The following ACTR2 variants were observed in gnomAD, a reference collection of about 807,000 sequenced individuals.
The protein encoded by ACTR2 is actin related protein 2, also known as actin-related protein 2.
A neutral mutation model predicts 50.2 loss-of-function variants in ACTR2; 5 were observed. The observed-to-expected ratio is 0.10, with a 90% confidence interval of 0.05 to 0.21. The LOEUF (loss-of-function observed/expected upper bound fraction) is 0.21. ACTR2 is among the 10% of genes least tolerant of loss of function. The probability of loss-of-function intolerance (pLI) is 1.00; values close to 1 mark genes in which losing one functional copy is unlikely to be tolerated. For synonymous variants in ACTR2, 140 were observed against 162.9 expected, an observed-to-expected ratio of 0.86 and a Z score of 1.07; for missense variants, 180 against 480.6, an observed-to-expected ratio of 0.37 and a Z score of 5.85.
intron 4 of ACTR2, 47 bp from the exon 5 acceptor site, chr2:65,253,681 T>A (rs1401635316): frequency 1.9e-6 from 3 of 1,593,310 alleles, no homozygotes; most frequent in Non-Finnish European, 2.6e-6. Flanking sequence ...CTGGCTTTGG[T>A]TTTCCTGATT....
intron 6 of ACTR2, 103 bp downstream of exon 6, chr2:65,255,797 G>T: frequency 2.7e-6 from 3 of 1,094,454 alleles, no homozygotes; most frequent in South Asian, 3.8e-5. Context: ...TTTTTGTCTT[G>T]GGTTGTTGTA....
At chr2:65,242,217 A>G (rs1328014040) in intron 2 of ACTR2, among the ~76,000 whole-genome samples, 3 of 152,078 alleles carry the variant, frequency 2.0e-5, no homozygotes, top group Non-Finnish European at 4.4e-5. Context: ...CATTGCTTCA[A>G]TTTGATAGCA....
At chr2:65,242,682 CCAAA>C (rs755397490) in intron 2 of ACTR2, 8 of 508,160 alleles carry the variant, frequency 1.6e-5, no homozygotes, top group Non-Finnish European at 3.1e-5. Context: ...GATTTCCCCC[CCAAA>C]CATTGTACAG....
At chr2:65,250,429 C>G (rs1396479937) in intron 3 of ACTR2, among the ~76,000 whole-genome samples, 1 of 151,614 alleles carries the variant, frequency 6.6e-6, no homozygotes, top group Non-Finnish European at 1.5e-5. Context: ...AATCCCAGCA[C>G]TTTGGGAGGC....
At position 65,239,801 on chromosome 2, in the gene ACTR2, A is replaced by G. The variant is rs777683267; in HGVS notation, c.49-51A>G. ...TATTTTTCAGATGCTGTCTTAAAAT[A>G]TAGTAAATATCCTGATGCTAACCCA... On this transcript the variant is annotated intron_variant, in intron 1 of 8. Coordinates refer to ENST00000260641, the MANE Select transcript of ACTR2 (RefSeq NM_005722.4). 2.2e-5 allele frequency: 24 copies of G among 1,100,374 alleles called. No individual in the cohort carries two copies. In the South Asian group the frequency reaches 2.7e-4, roughly 12 times the overall value. 68.2% of individuals were successfully genotyped at this position (1,100,374 alleles called of 1,614,324 possible).
chr2:65,238,705 C>T (rs1319896166), intron 1 of ACTR2, among the ~76,000 whole-genome samples: 2 of 148,820 alleles, frequency 1.3e-5, no homozygotes, highest in Non-Finnish European at 3.0e-5. Context: ...GGTGACTCAA[C>T]GCCTGCAATC....
intron 6 of ACTR2, among the ~76,000 whole-genome samples, chr2:65,257,323 C>T (rs2104012237): frequency 6.6e-6 from 1 of 151,888 alleles, no homozygotes; most frequent in East Asian, 1.9e-4. Context: ...TGTATATGTG[C>T]CACATTTTCT....
intron 4 of ACTR2, 53 bp downstream of exon 4, chr2:65,251,152 A>G: frequency 1.5e-6 from 2 of 1,299,078 alleles, no homozygotes; most frequent in Non-Finnish European, 1.1e-6. Flanking sequence ...TTTATTATGT[A>G]TGTTTTATGT....
intron 1 of ACTR2, among the ~76,000 whole-genome samples, chr2:65,239,328 C>T (rs1212417066): frequency 2.0e-5 from 3 of 152,166 alleles, no homozygotes; most frequent in Non-Finnish European, 4.4e-5. Flanking sequence ...GTGGCGCATG[C>T]CTGTAATCCC....
intron 2 of ACTR2, among the ~76,000 whole-genome samples, chr2:65,241,170 A>G (rs35291688): frequency 6.6e-6 from 1 of 152,012 alleles, no homozygotes; most frequent in Non-Finnish European, 1.5e-5. Context: ...AATGAATTCT[A>G]TCTTAAATGA....
At chr2:65,241,002 GT>G (rs1344411758) in intron 2 of ACTR2, among the ~76,000 whole-genome samples, 21 of 146,980 alleles carry the variant, frequency 1.4e-4, no homozygotes, top group African/African-American at 1.7e-4. Flanking sequence ...TTCTGTGTTA[GT>G]TTTTTTTTTT....
chr2:65,231,266 A>G (rs1234605197), intron 1 of ACTR2, among the ~76,000 whole-genome samples: 2 of 152,344 alleles, frequency 1.3e-5, no homozygotes, highest in Admixed American at 6.5e-5. Flanking sequence ...TTTCAAATGA[A>G]GAAACAGTGC....
intron 7 of ACTR2, among the ~76,000 whole-genome samples, chr2:65,261,827 T>C (rs1208414930): frequency 6.6e-6 from 1 of 152,230 alleles, no homozygotes; most frequent in Non-Finnish European, 1.5e-5. Flanking sequence ...TTTTCTGTAA[T>C]AGCTGTACTA....
rs374459929 is a variant in ACTR2, at chr2:65,239,881, C to T, written c.78C>T (p.Asn26=). 2 of 1,612,778 alleles carry T rather than the reference C, an allele frequency of 1.2e-6. No individual in the cohort carries two copies. Among genetic ancestry groups the T allele is most frequent in the Admixed American group, 1.7e-5 (1 of 59,974 alleles). ...GFVKCGYAGS[N]FPEHIFPALV... ...TGAAGTGTGGATATGCAGGCTCTAA[C>T]TTTCCAGAACACATCTTCCCAGCTT... Residue 26 remains asparagine (N), a synonymous_variant, in exon 2 of 9, where the codon AAC becomes AAT. Coordinates refer to ENST00000260641, the MANE Select transcript of ACTR2 (RefSeq NM_005722.4).
chr2:65,231,310 T>C (rs893083565), intron 1 of ACTR2, among the ~76,000 whole-genome samples: 16 of 152,238 alleles, frequency 1.1e-4, no homozygotes, highest in African/African-American at 3.9e-4. Flanking sequence ...ACAGGAATGC[T>C]GTAATAGTTC....
chr2:65,264,772 A>G (rs1179535434), intron 7 of ACTR2, among the ~76,000 whole-genome samples: 3 of 152,258 alleles, frequency 2.0e-5, no homozygotes, highest in Non-Finnish European at 2.9e-5. Flanking sequence ...AATCTTGGTC[A>G]TTATTAGAAG....
intron 8 of ACTR2, 45 bp downstream of exon 8, chr2:65,265,220 CTAT>C (rs1672349210): frequency 2.5e-6 from 4 of 1,608,036 alleles, no homozygotes; most frequent in Non-Finnish European, 3.4e-6. Context: ...TTTTAAAAGG[CTAT>C]ACAGTAGTTT....
intron 8 of ACTR2, 120 bp downstream of exon 8, chr2:65,265,295 C>A: frequency 9.5e-7 from 1 of 1,058,128 alleles, no homozygotes; most frequent in South Asian, 1.3e-5. Context: ...CTACTGCAGT[C>A]AAGTGCATCC....
chr2:65,231,594 G>T (rs1671638457), intron 1 of ACTR2, among the ~76,000 whole-genome samples: 1 of 152,058 alleles, frequency 6.6e-6, no homozygotes, highest in Admixed American at 6.6e-5. Flanking sequence ...CAGCATTTTG[G>T]GAGGCCGAGG....
Sources: gnomAD v4.1 joint callset for allele counts (sites outside exome capture counted in the v4.1 genomes callset) on GRCh38, gnomAD v4.1.1 for gene constraint, MANE v1.5 for transcripts, NCBI Gene and HGNC (gene_info 2026-07-23, HGNC 2026-07-21) for gene names.